The following ARHGAP24 variants were observed in gnomAD, a reference collection of about 807,000 sequenced individuals.
ARHGAP24 encodes the protein rho GTPase-activating protein 24.
In ARHGAP24, 50 loss-of-function variants were observed where a neutral mutation model predicts 76.4. The observed-to-expected ratio is 0.65, with a 90% CI of 0.52 to 0.83. The LOEUF (loss-of-function observed/expected upper bound fraction) is 0.83, where lower values mean the gene tolerates loss of function less well. Among genes scored for constraint, ARHGAP24 ranks in the 40% least tolerant of loss-of-function variants. The pLI is 0.00. For synonymous variants in ARHGAP24, 345 were observed against 323.3 expected (o/e 1.07, Z -0.72); for missense variants, 930 against 914.2 (o/e 1.02, Z -0.22).
At position 85,733,764 on chromosome 4, in the gene ARHGAP24, T is replaced by C. The variant is rs59550244; in HGVS notation, c.268+11792T>C. Among the ~76,000 whole-genome samples, 743 of 152,206 alleles carry C rather than the reference T, an allele frequency of 4.9e-3. 6 individuals are homozygous for C. The highest frequency in any genetic ancestry group is 0.017 in the African/African-American group (695 of 41,520). On this transcript the variant is annotated intron_variant, in intron 3 of 9. Transcript: ENST00000395184. Reference sequence around the variant, plus strand: ...GCCCTTCTGTGTCCTAATTTCTTCTTCTTATAAGGACATCAGTTGCATAGG... The same window carrying C: ...GCCCTTCTGTGTCCTAATTTCTTCTCCTTATAAGGACATCAGTTGCATAGG...
intron 5 of ARHGAP24, among the ~76,000 whole-genome samples, chr4:85,951,852 T>C (rs1737634870): frequency 6.6e-6 from 1 of 152,172 alleles, no homozygotes; most frequent in African/African-American, 2.4e-5. Flanking sequence ...ACTGACATTG[T>C]ACCTCTAATG....
In ARHGAP24 at chr4:85,890,971, A is replaced by G. The variant is rs569946910; in HGVS notation, c.269-32677A>G. 1.3e-4 allele frequency among the ~76,000 whole-genome samples: 20 copies of G among 152,286 alleles called. No homozygotes were observed. In the East Asian group the frequency reaches 3.7e-3, roughly 28 times the overall value. On this transcript the variant is annotated intron_variant, in intron 3 of 9. Transcript: ENST00000395184. ...CAAGTCTAGGGATCGCCTAAAATCA[A>G]TGTAACAGTGAGATTGCGATGGATG...
At chr4:85,780,537 G>A (rs908943488) in intron 3 of ARHGAP24, among the ~76,000 whole-genome samples, 4 of 151,626 alleles carry the variant, frequency 2.6e-5, no homozygotes, top group Admixed American at 6.6e-5. Flanking sequence ...CTTCCATATT[G>A]AAGAGTGACT....
At chr4:85,908,761 C>G (rs186540346) in intron 3 of ARHGAP24, among the ~76,000 whole-genome samples, 181 of 151,878 alleles carry the variant, frequency 1.2e-3, no homozygotes, top group African/African-American at 4.0e-3. Context: ...AAATACAGAG[C>G]CAGGCATAGA....
At chr4:85,672,585 A>G (rs1722848815) in intron 2 of ARHGAP24, among the ~76,000 whole-genome samples, 1 of 152,190 alleles carries the variant, frequency 6.6e-6, no homozygotes, top group African/African-American at 2.4e-5. Context: ...ACTCTTCATC[A>G]GCAGGCAAAG....
chr4:85,893,603 T>G (rs1470169441), intron 3 of ARHGAP24, among the ~76,000 whole-genome samples: 5 of 107,312 alleles, frequency 4.7e-5, no homozygotes, highest in Admixed American at 4.3e-4. Context: ...AGTATTTTAT[T>G]TCTCCTTCAC....
intron 3 of ARHGAP24, among the ~76,000 whole-genome samples, chr4:85,775,408 A>G (rs553919946): frequency 1.3e-5 from 2 of 152,322 alleles, no homozygotes; most frequent in Non-Finnish European, 2.9e-5. Context: ...ATGGACTCAC[A>G]GTTCCATTGG....
intron 2 of ARHGAP24, among the ~76,000 whole-genome samples, chr4:85,720,676 TAG>T: frequency 6.6e-6 from 1 of 152,174 alleles, no homozygotes; most frequent in African/African-American, 2.4e-5. Flanking sequence ...AAGAGAGTAC[TAG>T]AGTCAGAAGA....
At chr4:85,792,351 T>A (rs969515118) in intron 3 of ARHGAP24, among the ~76,000 whole-genome samples, 2 of 152,102 alleles carry the variant, frequency 1.3e-5, no homozygotes, top group Non-Finnish European at 2.9e-5. Context: ...AAATGGAGTA[T>A]CCCGTGTTAC....
intron 5 of ARHGAP24, among the ~76,000 whole-genome samples, chr4:85,953,888 C>T (rs1013362036): frequency 8.5e-5 from 13 of 152,116 alleles, no homozygotes; most frequent in African/African-American, 2.4e-4. Context: ...TGTAAGGAGA[C>T]GTAAATAAGC....
chr4:85,905,162 A>G (rs1734703418), intron 3 of ARHGAP24, among the ~76,000 whole-genome samples: 1 of 152,146 alleles, frequency 6.6e-6, no homozygotes, highest in Non-Finnish European at 1.5e-5. Context: ...AAATCTAAGA[A>G]AGGATGCATT....
chr4:85,974,185 T>G (rs1739188837), intron 6 of ARHGAP24, among the ~76,000 whole-genome samples: 1 of 152,040 alleles, frequency 6.6e-6, no homozygotes. Flanking sequence ...TAAATGCAGT[T>G]TTATTCCATT....
chr4:85,486,816 A>C (rs1369514719), intron 1 of ARHGAP24, among the ~76,000 whole-genome samples: 1 of 152,128 alleles, frequency 6.6e-6, no homozygotes, highest in African/African-American at 2.4e-5. Context: ...AAAGCATTGC[A>C]TGCATAGATT....
At chr4:85,978,134 A>C (rs1055438765) in intron 8 of ARHGAP24, among the ~76,000 whole-genome samples, 1 of 152,220 alleles carries the variant, frequency 6.6e-6, no homozygotes, top group African/African-American at 2.4e-5. Flanking sequence ...AGGTTAAAAC[A>C]TGAAAGAATT....
At chr4:85,719,685 G>A (rs539023272) in intron 2 of ARHGAP24, among the ~76,000 whole-genome samples, 18 of 152,206 alleles carry the variant, frequency 1.2e-4, no homozygotes, top group Non-Finnish European at 2.2e-4. Flanking sequence ...ATTTTTAGCC[G>A]TTAACTATAT....
At chr4:85,781,323 A>C (rs573646734) in intron 3 of ARHGAP24, among the ~76,000 whole-genome samples, 8 of 152,308 alleles carry the variant, frequency 5.3e-5, no homozygotes, top group Non-Finnish European at 1.0e-4. Flanking sequence ...TATATTGTGC[A>C]TTTTAGAGCA....
chr4:85,530,247 A>G (rs1259415516), intron 1 of ARHGAP24, among the ~76,000 whole-genome samples: 5 of 152,038 alleles, frequency 3.3e-5, no homozygotes, highest in South Asian at 2.1e-4. Context: ...TATGAAACCT[A>G]TGAGTTCACA....
chr4:85,702,418 C>A (rs1034569920), intron 2 of ARHGAP24, among the ~76,000 whole-genome samples: 1 of 152,094 alleles, frequency 6.6e-6, no homozygotes, highest in African/African-American at 2.4e-5. Flanking sequence ...TTATTAGCAG[C>A]ATAGCAAACA....
chr4:85,519,725 G>A (rs1241185192), intron 1 of ARHGAP24, among the ~76,000 whole-genome samples: 5 of 152,158 alleles, frequency 3.3e-5, no homozygotes, highest in African/African-American at 1.2e-4. Context: ...TGAAACTCGT[G>A]TCAGCTTGCT....
Sources: allele counts gnomAD v4.1 joint callset (sites outside exome capture counted in the v4.1 genomes callset), GRCh38; gene constraint gnomAD v4.1.1; transcripts MANE v1.5; gene names NCBI Gene and HGNC (gene_info 2026-07-23, HGNC 2026-07-21).